Variants in CUL9 observed in about 807,000 individuals in gnomAD.
The protein encoded by CUL9 is cullin 9.
A neutral mutation model predicts 272.6 loss-of-function variants in CUL9; 79 were observed. That is an observed-to-expected ratio of 0.29 (90% CI 0.24 to 0.35). CUL9 has a LOEUF of 0.35. Ranked by LOEUF, CUL9 falls within the 10% of genes least tolerant of loss-of-function variation. The pLI is 1.00. For missense variants in CUL9, 2,532 were observed against 3,255.6 expected, an observed-to-expected ratio of 0.78 and a Z score of 5.41; for synonymous variants, 1,186 against 1,286.5, an observed-to-expected ratio of 0.92 and a Z score of 1.67.
intron 30 of CUL9, among the ~76,000 whole-genome samples, 163 bp from the exon 31 acceptor site, chr6:43,215,995 G>A (rs911708755): frequency 1.3e-5 from 2 of 152,234 alleles, no homozygotes; most frequent in African/African-American, 4.8e-5. Context: ...AGGTGCTTCT[G>A]TGGAGGATCT....
Position 43,213,537 on chromosome 6 carries a change from C to G in CUL9, c.5458C>G (p.Leu1820Val). ...PLTSGNGPLT[L>V]HEGQDFPHGG... is the part of the protein sequence containing the mutation. ...CACCTCAGGGAATGGCCCTTTGACCCTGCATGAGGGCCAGGACTTTCCACA... is the reference window on the plus strand; with the variant it reads ...CACCTCAGGGAATGGCCCTTTGACCGTGCATGAGGGCCAGGACTTTCCACA... The change falls in exon 28 of 41, where the codon CTG (leucine) becomes GTG (valine). Residue 1820 changes from leucine (L) to valine (V), a missense_variant. Coordinates refer to ENST00000252050, the MANE Select transcript of CUL9 (RefSeq NM_015089.4). This position sits in a 1 kb window ranked among gnomAD's most constrained non-coding sequence, Gnocchi z 5.7. 6.2e-7 allele frequency: 1 copy of G among 1,612,758 alleles called. No homozygotes were observed. Among genetic ancestry groups the G allele is most frequent in the Non-Finnish European group, 8.5e-7 (1 of 1,179,638 alleles).
Position 43,200,269 on chromosome 6 carries a change from G to A in CUL9, c.3384+113G>A. The stretch of plus-strand genomic sequence containing the variant: ...GTTTGGCACAGGTTGTAGCAAATCT[G>A]GGGCACTTGTTTCCTAACCTTGACT... On this transcript the variant is annotated intron_variant, in intron 14 of 40. Transcript: ENST00000252050. The surrounding 1 kb of genome is among the most constrained non-coding windows in gnomAD (Gnocchi z 4.0). The A allele has an allele frequency of 6.9e-7, 1 of 1,444,064 alleles. No homozygotes were observed. The highest frequency in any genetic ancestry group is 1.2e-5 in the South Asian group (1 of 80,490). The allele number at this position is 1,444,064 out of a possible 1,614,324, so 89.5% of individuals were successfully genotyped here.
rs779740471 is a variant in CUL9, at chr6:43,187,286, C to T, written c.1428C>T (p.Tyr476=). ...ACTGGAATCCTATGGATGGGCTGTA[C>T]CCTTTGCCGTACCTCCAGCCCGAAC... is the stretch of plus-strand genomic sequence containing the variant. ...SWDWNPMDGL[Y]PLPYLQPEPQ... The change falls in exon 6 of 41, where the codon TAC becomes TAT. Residue 476 remains tyrosine, a synonymous_variant. Coordinates refer to ENST00000252050, the MANE Select transcript of CUL9 (RefSeq NM_015089.4). The T allele has an allele frequency of 6.8e-6, 11 of 1,613,898 alleles. No homozygotes were observed. Among genetic ancestry groups the T allele is most frequent in the Non-Finnish European group, 9.3e-6 (11 of 1,179,996 alleles).
chr6:43,199,399 A>C lies in CUL9; in HGVS notation c.3156+28A>C. 1 of 1,564,822 alleles carries C rather than the reference A, an allele frequency of 6.4e-7. No individual in the cohort carries two copies. Among genetic ancestry groups the C allele is most frequent in the Non-Finnish European group, 8.8e-7 (1 of 1,136,214 alleles). On this transcript the variant is annotated intron_variant, in intron 13 of 40. Transcript: ENST00000252050. This position sits in a 1 kb window ranked among gnomAD's most constrained non-coding sequence, Gnocchi z 4.4. Reference sequence around the variant, plus strand: ...ACCAGAACCCTGGCAAGGAGAAGAGAGGGAAGGGCAGCATCTGGGGCACCA... The same window carrying C: ...ACCAGAACCCTGGCAAGGAGAAGAGCGGGAAGGGCAGCATCTGGGGCACCA...
At position 43,186,269 on chromosome 6, in the gene CUL9, C is replaced by G. The variant is rs368973786; in HGVS notation, c.1065C>G (p.Thr355=). The change falls in exon 4 of 41, where the codon ACC becomes ACG. Residue 355 remains threonine, a synonymous_variant. Transcript: ENST00000252050. ...TTTTACTCCCCACCATTGTCACCAC[C>G]CCCAGAAGACAAGGGTGGGTCTTCC... ...PSLLLPTIVT[T]PRRQGWVFRQ... is the part of the protein sequence containing the mutation. 2.5e-5 allele frequency: 40 copies of G among 1,614,106 alleles called. 1 individual carries two copies. The highest frequency in any genetic ancestry group is 3.3e-4 in the Middle Eastern group (2 of 6,084).
chr6:43,182,661 G>A (rs1407110262), intron 1 of CUL9, among the ~76,000 whole-genome samples: 1 of 151,678 alleles, frequency 6.6e-6, no homozygotes, highest in Non-Finnish European at 1.5e-5. Context: ...ATCCAGGCTT[G>A]CCCCCCATCC....
At position 43,215,337 on chromosome 6, in the gene CUL9, C is replaced by T; in HGVS notation, c.5936+11C>T. On this transcript the variant is annotated intron_variant, in intron 30 of 40. Transcript: ENST00000252050. ...AACCTCCAAGCCCAGGTAGCCACTG[C>T]ACCTGACCCCTTGCAGTGAGGCGGG... is the stretch of plus-strand genomic sequence containing the variant. The T allele has an allele frequency of 1.3e-6, 2 of 1,594,988 alleles. No homozygotes were observed. The highest frequency in any genetic ancestry group is 2.2e-5 in the South Asian group (2 of 89,274).
At chr6:43,192,931 C>T (rs548741422) in intron 8 of CUL9, 70 bp from the exon 9 acceptor site, 17 of 1,401,140 alleles carry the variant, frequency 1.2e-5, no homozygotes, top group Middle Eastern at 3.8e-4. Flanking sequence ...GGGAGTCCGA[C>T]GGTGCCATGG....
chr6:43,184,198 C>G lies in CUL9; in HGVS notation c.-9-104C>G, dbSNP rs1207208725. The G allele has an allele frequency of 1.2e-6, 1 of 819,000 alleles. No individual in the cohort carries two copies. Among genetic ancestry groups the G allele is most frequent in the Non-Finnish European group, 1.8e-6 (1 of 563,120 alleles). The allele number at this position is 819,000 out of a possible 1,614,324, so 50.7% of individuals were successfully genotyped here. On this transcript the variant is annotated intron_variant, in intron 1 of 40. Coordinates refer to ENST00000252050, the MANE Select transcript of CUL9 (RefSeq NM_015089.4). The surrounding 1 kb of genome is among the most constrained non-coding windows in gnomAD (Gnocchi z 4.8). ...TGGCCTCCTAAATTCTACCATGCAG[C>G]CTACCGATCACCACCCACCTTCTCT...
chr6:43,221,045 C>T lies in CUL9; in HGVS notation c.6589-113C>T, dbSNP rs1420001274. ...TCTGCCACCCAGTTGAGCTCTGTTCCTCTTCCTGGAGCCCTCCAAATGTGA... is the reference window on the plus strand; with the variant it reads ...TCTGCCACCCAGTTGAGCTCTGTTCTTCTTCCTGGAGCCCTCCAAATGTGA... On this transcript the variant is annotated intron_variant, in intron 33 of 40. Coordinates refer to ENST00000252050, the MANE Select transcript of CUL9 (RefSeq NM_015089.4). This position sits in a 1 kb window ranked among gnomAD's most constrained non-coding sequence, Gnocchi z 4.2. 5 of 1,477,632 alleles carry T rather than the reference C, an allele frequency of 3.4e-6. No homozygotes were observed. The African/African-American group carries it at 5.6e-5, about 16-fold the overall frequency. 91.5% of individuals were successfully genotyped at this position (1,477,632 alleles called of 1,614,324 possible).
chr6:43,188,640 T>C lies in CUL9; in HGVS notation c.2105T>C (p.Leu702Pro). Residue 702 changes from leucine (L) to proline (P), a missense_variant, in exon 8 of 41, where the codon CTC becomes CCC. This residue lies in a region of CUL9 where 2,218 missense variants were observed against 2,788.6 expected (regional missense o/e 0.80). Coordinates refer to ENST00000252050, the MANE Select transcript of CUL9 (RefSeq NM_015089.4). ...GACACAAACCTGCAGCTTTCAGGGCTCTCTGCCCTCTCTCAGGCTGTGGAG... is the reference window on the plus strand; with the variant it reads ...GACACAAACCTGCAGCTTTCAGGGCCCTCTGCCCTCTCTCAGGCTGTGGAG... ...SLDTNLQLSGLSALSQAVEEV... is the reference protein window; with the variant it reads ...SLDTNLQLSGPSALSQAVEEV... The C allele has an allele frequency of 6.2e-7, 1 of 1,614,172 alleles. No homozygotes were observed. The highest frequency in any genetic ancestry group is 8.5e-7 in the Non-Finnish European group (1 of 1,180,006).
intron 20 of CUL9, 59 bp from the exon 21 acceptor site, chr6:43,204,301 C>G: frequency 1.3e-6 from 2 of 1,587,496 alleles, no homozygotes; most frequent in Non-Finnish European, 8.6e-7. Context: ...CTCCTCTGCC[C>G]TGAGCTGTCT....
intron 9 of CUL9, among the ~76,000 whole-genome samples, chr6:43,195,153 G>T (rs1051353510): frequency 1.3e-5 from 2 of 152,194 alleles, no homozygotes; most frequent in Non-Finnish European, 2.9e-5. Flanking sequence ...ACTACAGGGA[G>T]AAAGCTTCAT....
Position 43,203,432 on chromosome 6 carries a change from C to T in CUL9, c.3865C>T (p.Arg1289Trp), listed in dbSNP as rs2150581960. The T allele has an allele frequency of 1.9e-6, 3 of 1,614,048 alleles. No homozygotes were observed. The highest frequency in any genetic ancestry group is 2.5e-6 in the Non-Finnish European group (3 of 1,179,988). ...KRCQQGGIDT[R>W]VRGVEVLGPK... ...CATGTTCCAGGGCGGCATTGACACC[C>T]GGGTTCGGGGTGTGGAGGTCCTGGG... Residue 1289 changes from arginine (R) to tryptophan (W), a missense_variant, in exon 19 of 41, where the codon CGG (arginine) becomes TGG (tryptophan). By Grantham distance (101) the Arg-to-Trp change is moderately radical. Transcript: ENST00000252050. This position sits in a 1 kb window ranked among gnomAD's most constrained non-coding sequence, Gnocchi z 5.0.
In CUL9 at chr6:43,186,176, C is replaced by T. The variant is rs140962096; in HGVS notation, c.972C>T (p.Ser324=). 12 of 1,614,080 alleles carry T rather than the reference C, an allele frequency of 7.4e-6. No individual in the cohort carries two copies. Among genetic ancestry groups the T allele is most frequent in the Admixed American group, 5.0e-5 (3 of 60,010 alleles). The change falls in exon 4 of 41, where the codon AGC becomes AGT. Residue 324 remains serine, a synonymous_variant. Coordinates refer to ENST00000252050, the MANE Select transcript of CUL9 (RefSeq NM_015089.4). ...GCATGGGCTGGGCCCGGAACCTCAG[C>T]GAACAGGGCATGTCACCTCCCCGGC... ...VRSMGWARNL[S]EQGMSPPRPT...
rs752066687 is a variant in CUL9 at position 43,203,161 on chromosome 6, G to A, written c.3806G>A (p.Arg1269His). ...SRVILLENLN[R>H]FWPIIQIRIK... The stretch of plus-strand genomic sequence containing the variant: ...GTGATCCTCTTGGAGAACCTGAACC[G>A]CTTCTGGCCCATCATCCAGATCCGC... The change falls in exon 18 of 41, where the codon CGC becomes CAC. Residue 1269 changes from arginine to histidine, a missense_variant. Arg to His is a conservative substitution (Grantham distance 29). Transcript: ENST00000252050. The surrounding 1 kb of genome is among the most constrained non-coding windows in gnomAD (Gnocchi z 5.0). 30 of 1,613,938 alleles carry A rather than the reference G, an allele frequency of 1.9e-5. No homozygotes were observed. The highest frequency in any genetic ancestry group is 4.5e-5 in the East Asian group (2 of 44,898).
rs770599895 is a variant in CUL9 at position 43,188,626 on chromosome 6, G to C, written c.2091G>C (p.Leu697=). Residue 697 remains leucine, a synonymous_variant, in exon 8 of 41, where the codon CTG becomes CTC. Coordinates refer to ENST00000252050, the MANE Select transcript of CUL9 (RefSeq NM_015089.4). The part of the protein sequence containing the change: ...TVQISSLDTN[L]QLSGLSALSQ... ...AGATATCCAGCTTGGACACAAACCTGCAGCTTTCAGGGCTCTCTGCCCTCT... is the reference window on the plus strand; with the variant it reads ...AGATATCCAGCTTGGACACAAACCTCCAGCTTTCAGGGCTCTCTGCCCTCT... The C allele has an allele frequency of 1.4e-5, 22 of 1,614,210 alleles. No homozygotes were observed. The highest frequency in any genetic ancestry group is 1.8e-5 in the Non-Finnish European group (21 of 1,180,036).
At position 43,198,753 on chromosome 6, in the gene CUL9, C is replaced by T. The variant is rs572504651; in HGVS notation, c.2948C>T (p.Pro983Leu). ...GGCAGCCCCGGAGGTGCCGTGAGGC[C>T]CCTCCTCAAGCGCCTCCAGCAGGAG... is the stretch of plus-strand genomic sequence containing the variant. ...REGSPGGAVR[P>L]LLKRLQQETQ... Residue 983 changes from proline (P) to leucine (L), a missense_variant, in exon 12 of 41, where the codon CCC becomes CTC. By Grantham distance (98) the Pro-to-Leu change is moderately conservative. Coordinates refer to ENST00000252050, the MANE Select transcript of CUL9 (RefSeq NM_015089.4). 1.2e-6 allele frequency: 2 copies of T among 1,614,114 alleles called. No homozygotes were observed. The highest frequency in any genetic ancestry group is 2.7e-5 in the African/African-American group (2 of 75,056).
Position 43,222,539 on chromosome 6 carries a change from T to C in CUL9, c.6930T>C (p.Ala2310=). 1 of 1,613,980 alleles carries C rather than the reference T, an allele frequency of 6.2e-7. No individual in the cohort carries two copies. The highest frequency in any genetic ancestry group is 2.2e-5 in the East Asian group (1 of 44,878). Reference sequence around the variant, plus strand: ...CACCTTCCTCCACACAGGAGTTTGCTGTGAACTTGCGGAACCGGGTGTCTG... The same window carrying C: ...CACCTTCCTCCACACAGGAGTTTGCCGTGAACTTGCGGAACCGGGTGTCTG... ...CTFHHQAREF[A]VNLRNRVSAI... is the part of the protein sequence containing the mutation. The change falls in exon 37 of 41, where the codon GCT becomes GCC. Residue 2310 remains alanine, a synonymous_variant. Coordinates refer to ENST00000252050, the MANE Select transcript of CUL9 (RefSeq NM_015089.4).
Sources: allele counts gnomAD v4.1 joint callset (sites outside exome capture counted in the v4.1 genomes callset), GRCh38; gene constraint gnomAD v4.1.1; regional missense constraint gnomAD v4.1.1; non-coding constraint Gnocchi (gnomAD v3.1); transcripts MANE v1.5; gene names NCBI Gene and HGNC (gene_info 2026-07-23, HGNC 2026-07-21).